ATP10D: variants seen among roughly 807,000 people sequenced by gnomAD.
ATP10D encodes the protein ATPase phospholipid transporting 10D (putative).
Under a neutral mutation model 144.8 loss-of-function variants are expected in ATP10D, and 89 were observed. The ratio of observed to expected loss-of-function variants is 0.61; its 90% CI spans 0.52 to 0.73. ATP10D has a LOEUF of 0.73. Ranked by LOEUF, ATP10D falls within the 30% of genes least tolerant of loss-of-function variation. ATP10D has a pLI of 0.00. For missense variants in ATP10D, 1,603 were observed against 1,714.8 expected (o/e 0.93, Z 1.15); for synonymous variants, 571 against 615.1 (o/e 0.93, Z 1.06).
intron 3 of ATP10D, among the ~76,000 whole-genome samples, chr4:47,522,671 G>A (rs969104469): frequency 6.6e-6 from 1 of 152,154 alleles, no homozygotes; most frequent in Non-Finnish European, 1.5e-5. Context: ...CTGGGTTCAA[G>A]CGATTCTCCC....
chr4:47,536,118 A>G, intron 7 of ATP10D, 85 bp downstream of exon 7: 2 of 1,482,778 alleles, frequency 1.3e-6, no homozygotes, highest in Non-Finnish European at 1.8e-6. Flanking sequence ...TGAATATTTG[A>G]CTTTGGTAAG....
Position 47,523,156 on chromosome 4 carries a change from T to C in ATP10D, c.630T>C (p.Ser210=), listed in dbSNP as rs372769135. Residue 210 remains serine, a synonymous_variant, in exon 4 of 23, where the codon TCT becomes TCC. Transcript: ENST00000273859. ...ATGGAATCTGTCACATTGAGACTTC[T>C]GGTCTTGATGGAGAGAGCAATTTAA... ...DPDGICHIET[S]GLDGESNLKQ... The C allele has an allele frequency of 7.4e-6, 12 of 1,614,052 alleles. No individual in the cohort carries two copies. The African/African-American group carries it at 1.5e-4, about 20-fold the overall frequency.
At position 47,591,134 on chromosome 4, in the gene ATP10D, A is replaced by G. The variant is rs1452499000; in HGVS notation, c.4034A>G (p.Lys1345Arg). Residue 1345 changes from lysine (K) to arginine (R), a missense_variant, in exon 23 of 23, where the codon AAA becomes AGA. By Grantham distance (26) the Lys-to-Arg change is conservative (BLOSUM62 2). Transcript: ENST00000273859. ...FDRLTPEERT[K>R]ALKKWRGAGK... is the part of the protein sequence containing the mutation. The stretch of plus-strand genomic sequence containing the variant: ...AGACTAACTCCAGAGGAGAGGACTA[A>G]AGCTCTCAAGAAGTGGAGAGGGGCT... 5.0e-6 allele frequency: 8 copies of G among 1,613,480 alleles called. No individual in the cohort carries two copies. Among genetic ancestry groups the G allele is most frequent in the Non-Finnish European group, 5.9e-6 (7 of 1,179,592 alleles).
chr4:47,540,847 C>A (rs1342770122), intron 9 of ATP10D, among the ~76,000 whole-genome samples: 1 of 152,130 alleles, frequency 6.6e-6, no homozygotes, highest in East Asian at 1.9e-4. Context: ...GATTTTCTTT[C>A]CTTTTGATAA....
chr4:47,514,851 T>G (rs1716547915), intron 2 of ATP10D, among the ~76,000 whole-genome samples: 1 of 151,998 alleles, frequency 6.6e-6, no homozygotes, highest in South Asian at 2.1e-4. Context: ...TTCTTCTAAA[T>G]TTTTATGAAC....
intron 13 of ATP10D, 38 bp from the exon 14 acceptor site, chr4:47,560,911 T>A (rs1185474495): frequency 6.2e-7 from 1 of 1,612,662 alleles, no homozygotes; most frequent in Non-Finnish European, 8.5e-7. Flanking sequence ...CAAGATCATA[T>A]GGCTTGCTTC....
intron 1 of ATP10D, among the ~76,000 whole-genome samples, 170 bp downstream of exon 1, chr4:47,485,689 A>T (rs1714715371): frequency 6.6e-6 from 1 of 152,128 alleles, no homozygotes; most frequent in African/African-American, 2.4e-5. Flanking sequence ...ACTGAACTAA[A>T]AAAAAAAAAC....
At position 47,576,936 on chromosome 4, in the gene ATP10D, A is replaced by G. The variant is rs1204800239; in HGVS notation, c.3530A>G (p.Gln1177Arg). ...EKDVSAETLM[Q>R]LPELYRSGQK... ...GATGTGTCTGCAGAGACCCTCATGC[A>G]ACTGCCTGAACTTTACAGAAGTGGT... Residue 1177 changes from glutamine (Q) to arginine (R), a missense_variant, in exon 19 of 23, where the codon CAA (glutamine) becomes CGA (arginine). Coordinates refer to ENST00000273859, the MANE Select transcript of ATP10D (RefSeq NM_020453.4). 1 of 1,614,202 alleles carries G rather than the reference A, an allele frequency of 6.2e-7. No homozygotes were observed. Among genetic ancestry groups the G allele is most frequent in the South Asian group, 1.1e-5 (1 of 91,082 alleles).
chr4:47,548,866 C>T (rs911665002), intron 10 of ATP10D, among the ~76,000 whole-genome samples: 1 of 152,136 alleles, frequency 6.6e-6, no homozygotes, highest in African/African-American at 2.4e-5. Flanking sequence ...AATATTTGAT[C>T]TGAAAAATGA....
chr4:47,535,915 A>G lies in ATP10D; in HGVS notation c.897A>G (p.Lys299=). 6.2e-7 allele frequency: 1 copy of G among 1,612,354 alleles called. No individual in the cohort carries two copies. The highest frequency in any genetic ancestry group is 2.2e-5 in the East Asian group (1 of 44,858). The change falls in exon 7 of 23, where the codon AAA becomes AAG. Residue 299 remains lysine, a synonymous_variant. Coordinates refer to ENST00000273859, the MANE Select transcript of ATP10D (RefSeq NM_020453.4). The part of the protein sequence containing the change: ...GIVVYAGHET[K]AMLNNSGPRY... ...CATCCTTCATAGGCCATGAAACCAA[A>G]GCAATGCTGAACAACAGTGGGCCAC...
rs1719053899 is a variant in ATP10D, at chr4:47,557,728, A to G, written c.1889A>G (p.Gln630Arg). ...TTGGAAGAGATTAAAAGTCTTTTCC[A>G]GAGATGGTCTGTCCGAAGATCAAGT... The part of the protein sequence containing the change: ...KSLEEIKSLF[Q>R]RWSVRRSSSP... Residue 630 changes from glutamine (Q) to arginine (R), a missense_variant, in exon 12 of 23, where the codon CAG becomes CGG. Coordinates refer to ENST00000273859, the MANE Select transcript of ATP10D (RefSeq NM_020453.4). The G allele has an allele frequency of 1.2e-6, 2 of 1,614,104 alleles. No individual in the cohort carries two copies. Among genetic ancestry groups the G allele is most frequent in the Non-Finnish European group, 8.5e-7 (1 of 1,180,040 alleles).
intron 10 of ATP10D, among the ~76,000 whole-genome samples, chr4:47,550,294 A>G (rs1718669005): frequency 6.6e-6 from 1 of 152,220 alleles, no homozygotes; most frequent in South Asian, 2.1e-4. Flanking sequence ...TTTAAATTAT[A>G]TGAAATTTAA....
intron 1 of ATP10D, chr4:47,491,339 A>G (rs1715070129): frequency 5.2e-6 from 4 of 776,144 alleles, no homozygotes; most frequent in African/African-American, 5.1e-5. Context: ...TTCCCTTGAA[A>G]TCTCCAATAT....
chr4:47,495,139 T>C (rs1372337395), intron 1 of ATP10D, among the ~76,000 whole-genome samples: 1 of 152,230 alleles, frequency 6.6e-6, no homozygotes, highest in African/African-American at 2.4e-5. Context: ...GCTTATACAC[T>C]AAACTATGTT....
Position 47,485,338 on chromosome 4 carries a change from C to G in ATP10D, c.-219C>G, listed in dbSNP as rs1195983014. 6.6e-6 allele frequency: 1 copy of G among 151,328 alleles called. No individual in the cohort carries two copies. The highest frequency in any genetic ancestry group is 1.5e-5 in the Non-Finnish European group (1 of 67,948). The allele number at this position is 151,328 out of a possible 1,614,324, so 9.4% of individuals were successfully genotyped here. A position where few individuals can be genotyped will look rare whatever the true frequency, so the allele number is the denominator to read the frequency against. On this transcript the variant is annotated 5_prime_UTR_variant, in exon 1 of 23. Coordinates refer to ENST00000273859, the MANE Select transcript of ATP10D (RefSeq NM_020453.4). ...GTAGGTTGCGAGCTCAGCACAGGCT[C>G]CGGCGCTGGCTCCCGCAGCTGAGTT... is the stretch of plus-strand genomic sequence containing the variant.
chr4:47,585,862 G>T (rs1205634123), intron 21 of ATP10D, among the ~76,000 whole-genome samples: 1 of 152,160 alleles, frequency 6.6e-6, no homozygotes, highest in East Asian at 1.9e-4. Context: ...ACTCCATCGT[G>T]TAGATATACC....
At chr4:47,560,908 A>C (rs772014532) in intron 13 of ATP10D, 41 bp from the exon 14 acceptor site, 2 of 1,612,546 alleles carry the variant, frequency 1.2e-6, no homozygotes, top group South Asian at 2.2e-5. Flanking sequence ...CCACAAGATC[A>C]TATGGCTTGC....
At chr4:47,573,907 G>A (rs1720098201) in intron 18 of ATP10D, among the ~76,000 whole-genome samples, 1 of 151,750 alleles carries the variant, frequency 6.6e-6, no homozygotes, top group African/African-American at 2.4e-5. Flanking sequence ...CTATAGCACA[G>A]TACACTTTTC....
intron 1 of ATP10D, among the ~76,000 whole-genome samples, chr4:47,494,194 G>T (rs995386992): frequency 6.6e-6 from 1 of 152,082 alleles, no homozygotes; most frequent in African/African-American, 2.4e-5. Context: ...TTGTGCAAAT[G>T]TTTCATAAGG....
Sources: allele counts gnomAD v4.1 joint callset (sites outside exome capture counted in the v4.1 genomes callset), GRCh38; gene constraint gnomAD v4.1.1; transcripts MANE v1.5; gene names NCBI Gene and HGNC (gene_info 2026-07-23, HGNC 2026-07-21).